Variants in PCDH9 observed in about 807,000 individuals in gnomAD.
PCDH9 encodes the protein protocadherin-9.
In PCDH9, 24 loss-of-function variants were observed where a neutral mutation model predicts 70.6. The observed-to-expected ratio is 0.34, with a 90% confidence interval of 0.25 to 0.48. PCDH9 has a LOEUF of 0.48. PCDH9 is among the 20% of genes least tolerant of loss of function. PCDH9 has a pLI of 0.99. For synonymous variants in PCDH9, 562 were observed against 558.5 expected (o/e 1.01, Z -0.09); for missense variants, 1,281 against 1,503.6 (o/e 0.85, Z 2.45).
chr13:66,980,732 T>C (rs1566337488), intron 2 of PCDH9, among the ~76,000 whole-genome samples: 1 of 137,624 alleles, frequency 7.3e-6, no homozygotes, highest in Non-Finnish European at 1.6e-5. Flanking sequence ...TTTTCTTTGT[T>C]TTTTTTTTTG....
intron 3 of PCDH9, among the ~76,000 whole-genome samples, chr13:66,806,773 G>C (rs747113263): frequency 2.0e-5 from 3 of 152,120 alleles, no homozygotes; most frequent in Non-Finnish European, 4.4e-5. Flanking sequence ...ACGGTGCTTA[G>C]CACAGCACCT....
intron 3 of PCDH9, among the ~76,000 whole-genome samples, chr13:66,847,964 T>G (rs554765844): frequency 6.6e-6 from 1 of 152,332 alleles, no homozygotes; most frequent in African/African-American, 2.4e-5. Context: ...GGGAAATCTT[T>G]TATAAGAGGA....
At chr13:66,588,017 T>C (rs960510006) in intron 4 of PCDH9, among the ~76,000 whole-genome samples, 4 of 152,076 alleles carry the variant, frequency 2.6e-5, no homozygotes, top group African/African-American at 9.7e-5. Context: ...TGTTCTTTGA[T>C]ATTCTGGGAG....
chr13:66,433,672 A>C (rs146848214), intron 4 of PCDH9, among the ~76,000 whole-genome samples: 44 of 151,894 alleles, frequency 2.9e-4, no homozygotes, highest in African/African-American at 1.0e-3. Flanking sequence ...CCTAAAGTTA[A>C]GTATCCCACC....
At chr13:66,359,581 G>A (rs751870280) in intron 4 of PCDH9, among the ~76,000 whole-genome samples, 3 of 151,986 alleles carry the variant, frequency 2.0e-5, no homozygotes, top group Non-Finnish European at 4.4e-5. Context: ...TTGTAAGCAG[G>A]TTCCATCCTG....
At chr13:66,700,868 C>G (rs1049337505) in intron 3 of PCDH9, among the ~76,000 whole-genome samples, 1 of 136,666 alleles carries the variant, frequency 7.3e-6, no homozygotes, top group Admixed American at 7.7e-5. Context: ...GCTTTGAAAT[C>G]CTCTTTCTGA....
At chr13:66,516,435 A>G (rs1207447270) in intron 4 of PCDH9, among the ~76,000 whole-genome samples, 2 of 152,072 alleles carry the variant, frequency 1.3e-5, no homozygotes, top group Non-Finnish European at 2.9e-5. Context: ...AGCCTTTGAT[A>G]TCTGCACTCT....
chr13:66,404,011 G>A (rs939313205), intron 4 of PCDH9, among the ~76,000 whole-genome samples: 1 of 152,164 alleles, frequency 6.6e-6, no homozygotes, highest in Non-Finnish European at 1.5e-5. Context: ...CTACTGAAAT[G>A]TCTGCAACAC....
chr13:66,448,873 A>G (rs921991157), intron 4 of PCDH9, among the ~76,000 whole-genome samples: 31 of 152,212 alleles, frequency 2.0e-4, no homozygotes, highest in Admixed American at 1.9e-3. Flanking sequence ...TTTATTTGAA[A>G]GCATAAAATA....
intron 4 of PCDH9, among the ~76,000 whole-genome samples, chr13:66,426,617 G>A (rs1475965821): frequency 6.6e-6 from 1 of 151,326 alleles, no homozygotes; most frequent in Non-Finnish European, 1.5e-5. Context: ...AAAATTAATT[G>A]AAAATTCATG....
intron 2 of PCDH9, among the ~76,000 whole-genome samples, chr13:67,029,861 T>C (rs2084869030): frequency 6.6e-6 from 1 of 152,212 alleles, no homozygotes; most frequent in Non-Finnish European, 1.5e-5. Flanking sequence ...ATTTAATAAG[T>C]ATTTTTTGAA....
chr13:66,968,177 G>A lies in PCDH9; in HGVS notation c.3037-64572C>T, dbSNP rs2083461045. ...CCATGTAAAAGCTTTTTAAATACTT[G>A]CAGGTGACTATAACACTTTCCCAAC... On this transcript the variant is annotated intron_variant, in intron 2 of 4. Coordinates refer to ENST00000377865, the MANE Select transcript of PCDH9 (RefSeq NM_203487.3). 3.9e-5 allele frequency among the ~76,000 whole-genome samples: 6 copies of A among 151,968 alleles called. No homozygotes were observed. In the South Asian group the frequency reaches 1.2e-3, roughly 32 times the overall value.
chr13:66,966,593 A>G (rs1701973798), intron 2 of PCDH9, among the ~76,000 whole-genome samples: 5 of 152,126 alleles, frequency 3.3e-5, no homozygotes, highest in African/African-American at 1.2e-4. Context: ...AAAAAGCAGT[A>G]GAGAGGTTTA....
intron 4 of PCDH9, among the ~76,000 whole-genome samples, chr13:66,429,203 T>A (rs764061736): frequency 8.6e-5 from 13 of 151,810 alleles, no homozygotes; most frequent in Non-Finnish European, 1.6e-4. Context: ...TATTTCAGAC[T>A]GTAGGTAAAT....
intron 4 of PCDH9, among the ~76,000 whole-genome samples, chr13:66,364,031 T>G (rs1050549568): frequency 2.0e-5 from 3 of 152,080 alleles, no homozygotes; most frequent in African/African-American, 7.2e-5. Context: ...GGCAGGCACC[T>G]GTAATCCCAG....
intron 2 of PCDH9, among the ~76,000 whole-genome samples, chr13:67,154,851 G>C (rs1005119175): frequency 2.0e-5 from 3 of 151,318 alleles, no homozygotes; most frequent in Non-Finnish European, 2.9e-5. Context: ...CTACAGGTGC[G>C]TGTCACCACA....
At chr13:66,595,549 G>A (rs1468302646) in intron 4 of PCDH9, among the ~76,000 whole-genome samples, 1 of 151,546 alleles carries the variant, frequency 6.6e-6, no homozygotes, top group Non-Finnish European at 1.5e-5. Context: ...TCTAATTTAA[G>A]GCTTATTCAA....
chr13:67,180,783 G>C (rs2088594601), intron 2 of PCDH9, among the ~76,000 whole-genome samples: 1 of 152,048 alleles, frequency 6.6e-6, no homozygotes, highest in African/African-American at 2.4e-5. Flanking sequence ...CATTTCTGAG[G>C]CAAGTCTGAA....
chr13:66,765,046 CTT>C (rs1335655509), intron 3 of PCDH9, among the ~76,000 whole-genome samples: 2 of 150,216 alleles, frequency 1.3e-5, no homozygotes, highest in Non-Finnish European at 3.0e-5. Flanking sequence ...CTTTCTGTGT[CTT>C]TGTCTCTCTC....
Sources: allele counts gnomAD v4.1 joint callset (sites outside exome capture counted in the v4.1 genomes callset), GRCh38; gene constraint gnomAD v4.1.1; transcripts MANE v1.5; gene names NCBI Gene and HGNC (gene_info 2026-07-23, HGNC 2026-07-21).